CWC27: variants seen among roughly 807,000 people sequenced by gnomAD.
CWC27 encodes the protein CWC27 spliceosome associated cyclophilin, also known as spliceosome-associated protein CWC27 homolog.
CWC27 carries 47 observed loss-of-function variants against 63.6 expected under a neutral mutation model. That is an observed-to-expected ratio of 0.74 (90% CI 0.58 to 0.94). CWC27 has a LOEUF of 0.94. CWC27 is among the 40% of genes least tolerant of loss of function. CWC27 has a pLI of 0.00. For synonymous variants in CWC27, 175 were observed against 179.8 expected, an observed-to-expected ratio of 0.97 and a Z score of 0.22; for missense variants, 495 against 554.3, an observed-to-expected ratio of 0.89 and a Z score of 1.07.
intron 10 of CWC27, among the ~76,000 whole-genome samples, chr5:64,882,979 C>T (rs1219929499): frequency 6.6e-6 from 1 of 152,116 alleles, no homozygotes; most frequent in African/African-American, 2.4e-5. Context: ...TAAAGACATA[C>T]CCAAGACTGG....
chr5:64,903,121 T>G (rs1747544943), intron 11 of CWC27, among the ~76,000 whole-genome samples: 1 of 152,156 alleles, frequency 6.6e-6, no homozygotes, highest in South Asian at 2.1e-4. Flanking sequence ...GTGTGGCAAT[T>G]CCTCAAGGAT....
chr5:65,006,112 G>C (rs1016577638), intron 13 of CWC27, among the ~76,000 whole-genome samples: 9 of 152,134 alleles, frequency 5.9e-5, no homozygotes, highest in Admixed American at 5.9e-4. Flanking sequence ...AGTGCCAAAT[G>C]TTTGTTAGCA....
At chr5:64,982,862 C>T (rs780552685) in intron 13 of CWC27, among the ~76,000 whole-genome samples, 2 of 152,200 alleles carry the variant, frequency 1.3e-5, no homozygotes, top group Non-Finnish European at 2.9e-5. Flanking sequence ...GCCCAGCAGG[C>T]AGTAAGCAGC....
intron 11 of CWC27, among the ~76,000 whole-genome samples, chr5:64,907,506 T>C (rs978152943): frequency 2.6e-4 from 39 of 152,340 alleles, no homozygotes; most frequent in African/African-American, 7.0e-4. Flanking sequence ...TTTTTGCACA[T>C]TGACTTTGTA....
At chr5:64,775,181 C>T (rs1455170542) in intron 2 of CWC27, among the ~76,000 whole-genome samples, 1 of 152,174 alleles carries the variant, frequency 6.6e-6, no homozygotes, top group East Asian at 1.9e-4. Context: ...TCTTCTCTTC[C>T]TAGTACTAAT....
At chr5:64,993,084 T>C (rs961616652) in intron 13 of CWC27, among the ~76,000 whole-genome samples, 2 of 151,902 alleles carry the variant, frequency 1.3e-5, no homozygotes, top group African/African-American at 4.8e-5. Context: ...ACCTGTAGAG[T>C]AGAAATAACA....
In CWC27 at chr5:64,874,154, C is replaced by CT. The variant is rs748768571; in HGVS notation, c.939-11264dup. 8.5e-3 allele frequency among the ~76,000 whole-genome samples: 415 copies of CT among 48,786 alleles called. 28 individuals carry two copies. The highest frequency in any genetic ancestry group is 0.031 in the African/African-American group (359 of 11,602). The allele number at this position is 48,786 out of a possible 152,430, so 32.0% of individuals were successfully genotyped here. On this transcript the variant is annotated intron_variant, in intron 10 of 13. Coordinates refer to ENST00000381070, the MANE Select transcript of CWC27 (RefSeq NM_005869.4). ...TGCTTGATCTAGTCTATTGTTGATGCTTTTTTTTTTTTTTTTTTTTTTTTT... is the reference window on the plus strand; with the variant it reads ...TGCTTGATCTAGTCTATTGTTGATGCTTTTTTTTTTTTTTTTTTTTTTTTTT...
chr5:64,977,246 C>T lies in CWC27; in HGVS notation c.1256+8C>T, dbSNP rs757984961. The T allele has an allele frequency of 6.4e-7, 1 of 1,572,282 alleles. No individual in the cohort carries two copies. Among genetic ancestry groups the T allele is most frequent in the Non-Finnish European group, 8.7e-7 (1 of 1,143,578 alleles). ...AGAAGATGATGAAGGATGGTAAGGG[C>T]TTTGATTTCTGTATATTAACCATGA... On this transcript the variant is annotated splice_region_variant and intron_variant, in intron 13 of 13. Coordinates refer to ENST00000381070, the MANE Select transcript of CWC27 (RefSeq NM_005869.4).
chr5:64,872,561 A>G (rs1184492749), intron 10 of CWC27, among the ~76,000 whole-genome samples: 1 of 151,436 alleles, frequency 6.6e-6, no homozygotes, highest in East Asian at 1.9e-4. Context: ...TTTTTTTCTT[A>G]TTTAATCTAT....
At chr5:64,904,699 A>T (rs1265990590) in intron 11 of CWC27, among the ~76,000 whole-genome samples, 1 of 152,244 alleles carries the variant, frequency 6.6e-6, no homozygotes, top group Non-Finnish European at 1.5e-5. Flanking sequence ...ATCCCTTCAA[A>T]GAAACTGTAG....
intron 11 of CWC27, among the ~76,000 whole-genome samples, chr5:64,962,642 A>G (rs1171608234): frequency 1.3e-5 from 2 of 152,234 alleles, no homozygotes; most frequent in African/African-American, 2.4e-5. Context: ...TAAAGTCTGA[A>G]TGTATGCTAT....
chr5:64,956,670 A>G (rs1748807355), intron 11 of CWC27, among the ~76,000 whole-genome samples: 1 of 152,240 alleles, frequency 6.6e-6, no homozygotes, highest in South Asian at 2.1e-4. Context: ...GAAAACTGTC[A>G]TTGGTTTCCC....
At chr5:64,824,850 A>G (rs180906064) in intron 10 of CWC27, among the ~76,000 whole-genome samples, 4,063 of 147,692 alleles carry the variant, frequency 0.028, 62 homozygotes, top group Middle Eastern at 0.05. Context: ...CTCCTGCCTC[A>G]GCCTCCCTAG....
intron 10 of CWC27, among the ~76,000 whole-genome samples, chr5:64,828,540 T>A (rs1051667323): frequency 1.3e-5 from 2 of 152,074 alleles, no homozygotes; most frequent in African/African-American, 4.8e-5. Flanking sequence ...TGTCTTTTGC[T>A]GCATCCTCAA....
At chr5:64,831,519 C>T (rs1445208886) in intron 10 of CWC27, among the ~76,000 whole-genome samples, 12 of 143,920 alleles carry the variant, frequency 8.3e-5, no homozygotes, top group African/African-American at 3.0e-4. Flanking sequence ...GATAGACAGA[C>T]ACATAGATAG....
At chr5:64,988,697 G>A (rs266561) in intron 13 of CWC27, among the ~76,000 whole-genome samples, 67,607 of 150,672 alleles carry the variant, frequency 0.45, 15,275 homozygotes, top group African/African-American at 0.47. Flanking sequence ...CCCACCTCCC[G>A]GGTTCAAGAG....
At chr5:64,985,114 C>G (rs1021453933) in intron 13 of CWC27, among the ~76,000 whole-genome samples, 11 of 152,156 alleles carry the variant, frequency 7.2e-5, no homozygotes, top group African/African-American at 2.7e-4. Flanking sequence ...CTTGGACTCT[C>G]TATTCTGTTG....
At chr5:64,844,282 G>A (rs1223352471) in intron 10 of CWC27, among the ~76,000 whole-genome samples, 2 of 152,186 alleles carry the variant, frequency 1.3e-5, no homozygotes, top group East Asian at 1.9e-4. Flanking sequence ...AATAAAGGAG[G>A]CAGAGGTCAT....
intron 10 of CWC27, among the ~76,000 whole-genome samples, chr5:64,833,708 A>G (rs1745587881): frequency 6.6e-6 from 1 of 151,706 alleles, no homozygotes; most frequent in South Asian, 2.1e-4. Context: ...TGTGACCTTC[A>G]CCCAGAACTT....
Sources: allele counts gnomAD v4.1 joint callset (sites outside exome capture counted in the v4.1 genomes callset), GRCh38; gene constraint gnomAD v4.1.1; transcripts MANE v1.5; gene names NCBI Gene and HGNC (gene_info 2026-07-23, HGNC 2026-07-21).